CRYM: variants seen among roughly 807,000 people sequenced by gnomAD.
The protein encoded by CRYM is crystallin mu, also known as ketimine reductase mu-crystallin.
A neutral mutation model predicts 32.9 loss-of-function variants in CRYM; 18 were observed. The ratio of observed to expected loss-of-function variants is 0.55; its 90% confidence interval spans 0.38 to 0.81. The LOEUF (loss-of-function observed/expected upper bound fraction) is 0.81, where lower values mean the gene tolerates loss of function less well. Among genes scored for constraint, CRYM ranks in the 30% least tolerant of loss-of-function variants. The pLI, the probability that CRYM is intolerant of heterozygous loss-of-function variation, is 0.00. For synonymous variants in CRYM, 153 were observed against 152.4 expected (o/e 1.00, Z -0.03); for missense variants, 337 against 393.5 (o/e 0.86, Z 1.21).
chr16:21,294,761 C>G (rs1355539984), intron 1 of CRYM, among the ~76,000 whole-genome samples: 1 of 147,942 alleles, frequency 6.8e-6, no homozygotes, highest in Non-Finnish European at 1.5e-5. Context: ...GTGGCGCGAT[C>G]TCGACTCACT....
chr16:21,293,028 AAGATAGATAGAT>A (rs3029354), intron 1 of CRYM, among the ~76,000 whole-genome samples: 21 of 150,480 alleles, frequency 1.4e-4, no homozygotes, highest in African/African-American at 4.7e-4. Context: ...AAGTAGATAG[AAGATAGATAGAT>A]AGATAGATAG....
chr16:21,297,003 G>A (rs531258416), intron 1 of CRYM, among the ~76,000 whole-genome samples: 2 of 151,562 alleles, frequency 1.3e-5, no homozygotes, highest in African/African-American at 2.4e-5. Context: ...GCAAGACTCC[G>A]TCTCTAAAAA....
chr16:21,290,370 G>A (rs1158082383), intron 1 of CRYM, among the ~76,000 whole-genome samples: 1 of 151,954 alleles, frequency 6.6e-6, no homozygotes, highest in Middle Eastern at 3.2e-3. Flanking sequence ...TCACTACAAA[G>A]GTCTGCAGCT....
chr16:21,292,580 T>G (rs1960686230), intron 1 of CRYM, among the ~76,000 whole-genome samples: 1 of 152,186 alleles, frequency 6.6e-6, no homozygotes, highest in Non-Finnish European at 1.5e-5. Flanking sequence ...GATTCTAAAA[T>G]TTATATGGAA....
At chr16:21,300,502 G>T (rs1960883809) in intron 1 of CRYM, 1 of 136,758 alleles carries the variant, frequency 7.3e-6, no homozygotes, top group Non-Finnish European at 1.5e-5. Context: ...GGTGCCATGA[G>T]ATTCCCTCTT....
At position 21,262,448 on chromosome 16, in the gene CRYM, T is replaced by C. The variant is rs1450362918; in HGVS notation, c.674-290A>G. ...GCCTGGCCAACATGGTGAAACCCTG[T>C]GTCTACTAAAAATACAAAAAATTAT... On this transcript the variant is annotated intron_variant, in intron 5 of 7. Coordinates refer to ENST00000572914, the MANE Select transcript of CRYM (RefSeq NM_001376256.1). 8.1e-6 allele frequency: 3 copies of C among 369,268 alleles called. No homozygotes were observed. The East Asian group carries it at 2.0e-4, about 25-fold the overall frequency. 22.9% of individuals were successfully genotyped at this position (369,268 alleles called of 1,614,324 possible). A position where few individuals can be genotyped will look rare whatever the true frequency, so the allele number is the denominator to read the frequency against.
chr16:21,300,616 T>C (rs529931335), intron 1 of CRYM: 2 of 152,324 alleles, frequency 1.3e-5, no homozygotes, highest in Admixed American at 1.3e-4. Flanking sequence ...GAGTCATTCT[T>C]TGGTCTGTTG....
At chr16:21,268,975 C>G (rs1272523889) in intron 4 of CRYM, among the ~76,000 whole-genome samples, 1 of 151,972 alleles carries the variant, frequency 6.6e-6, no homozygotes, top group African/African-American at 2.4e-5. Context: ...GAAACCCCAT[C>G]TCTACTAAAA....
Position 21,278,201 on chromosome 16 carries a change from G to A in CRYM, c.51C>T (p.Leu17=). 1.9e-6 allele frequency: 3 copies of A among 1,557,914 alleles called. No individual in the cohort carries two copies. Among genetic ancestry groups the A allele is most frequent in the Non-Finnish European group, 2.6e-6 (3 of 1,152,436 alleles). The change falls in exon 1 of 8, where the codon CTC becomes CTT. Residue 17 remains leucine, a synonymous_variant. Coordinates refer to ENST00000572914, the MANE Select transcript of CRYM (RefSeq NM_001376256.1). ...FLSAAEVEEH[L]RSSSLLIPPL... is the part of the protein sequence containing the mutation. ...GCGGGATGAGGAGGCTGGAGCTGCG[G>A]AGGTGTTCCTCCACCTCGGCCGCGC...
At chr16:21,268,325 C>T (rs549669441) in intron 4 of CRYM, among the ~76,000 whole-genome samples, 3 of 152,052 alleles carry the variant, frequency 2.0e-5, no homozygotes, top group East Asian at 1.9e-4. Context: ...CAAGATCAGA[C>T]GAGTTTGAAG....
At chr16:21,261,400 G>A in intron 6 of CRYM, 62 bp from the exon 7 acceptor site, 1 of 1,223,744 alleles carries the variant, frequency 8.2e-7, no homozygotes, top group Non-Finnish European at 1.2e-6. Flanking sequence ...GTTGGCTTTT[G>A]AAGCCAGCCC....
intron 1 of CRYM, among the ~76,000 whole-genome samples, chr16:21,295,454 G>T (rs117734491): frequency 0.016 from 2,432 of 151,992 alleles, 87 homozygotes; most frequent in East Asian, 0.078. Flanking sequence ...TGTGTTTGTT[G>T]GCTTCATAAA....
At chr16:21,292,951 C>CATGGATGGATGGATGG (rs914006411) in intron 1 of CRYM, among the ~76,000 whole-genome samples, 1 of 151,078 alleles carries the variant, frequency 6.6e-6, no homozygotes, top group Non-Finnish European at 1.5e-5. Context: ...AAGATAAATG[C>CATGGATGGATGGATGG]ATGGATGGAT....
intron 4 of CRYM, 51 bp downstream of exon 4, chr16:21,269,739 T>C: frequency 8.6e-7 from 1 of 1,161,220 alleles, no homozygotes. Context: ...TATAGACAGG[T>C]CAAGGACCAC....
chr16:21,281,307 T>C (rs1450138720), upstream of CRYM, among the ~76,000 whole-genome samples: 1 of 151,572 alleles, frequency 6.6e-6, no homozygotes, highest in Non-Finnish European at 1.5e-5. Flanking sequence ...CAGACTGGAG[T>C]GCAGTGGCAT....
At chr16:21,299,214 C>G (rs1445535161) in intron 1 of CRYM, among the ~76,000 whole-genome samples, 3 of 152,194 alleles carry the variant, frequency 2.0e-5, no homozygotes, top group Non-Finnish European at 4.4e-5. Context: ...CCTGCCCACA[C>G]ACTGCCGGGA....
intron 1 of CRYM, among the ~76,000 whole-genome samples, chr16:21,297,073 C>T (rs1960803770): frequency 6.6e-6 from 1 of 151,464 alleles, no homozygotes; most frequent in Admixed American, 6.6e-5. Flanking sequence ...AGGTTTTTAC[C>T]TCCAGTCGAA....
intron 7 of CRYM, among the ~76,000 whole-genome samples, chr16:21,259,184 T>C (rs1405247755): frequency 6.6e-6 from 1 of 151,906 alleles, no homozygotes; most frequent in East Asian, 1.9e-4. Flanking sequence ...CTGCAAACTC[T>C]GCCTCCCAGG....
chr16:21,259,129 C>T (rs1450244155), intron 7 of CRYM, among the ~76,000 whole-genome samples: 2 of 150,804 alleles, frequency 1.3e-5, no homozygotes, highest in African/African-American at 2.4e-5. Flanking sequence ...GATGGAGTCT[C>T]GCTCTGTTGC....
Sources: gnomAD v4.1 joint callset for allele counts (sites outside exome capture counted in the v4.1 genomes callset) on GRCh38, gnomAD v4.1.1 for gene constraint, MANE v1.5 for transcripts, NCBI Gene and HGNC (gene_info 2026-07-23, HGNC 2026-07-21) for gene names.